Variants in SPON1 observed in about 807,000 individuals in gnomAD.
SPON1 encodes the protein spondin-1.
SPON1 carries 52 observed loss-of-function variants against 111.7 expected under a neutral mutation model. That is an observed-to-expected ratio of 0.47 (90% CI 0.37 to 0.59). SPON1 has a LOEUF of 0.59. SPON1 is among the 20% of genes least tolerant of loss of function. The pLI is 0.00. For missense variants in SPON1, 957 were observed against 1,068.5 expected, an observed-to-expected ratio of 0.90 and a Z score of 1.46; for synonymous variants, 410 against 395.8, an observed-to-expected ratio of 1.04 and a Z score of -0.43.
chr11:14,260,046 G>T (rs1435259981), intron 13 of SPON1, among the ~76,000 whole-genome samples: 1 of 152,190 alleles, frequency 6.6e-6, no homozygotes, highest in African/African-American at 2.4e-5. Context: ...ACATTACCCA[G>T]GTCCAGCCCA....
chr11:14,050,942 C>A (rs1372292478), intron 3 of SPON1, among the ~76,000 whole-genome samples: 1 of 152,154 alleles, frequency 6.6e-6, no homozygotes, highest in Non-Finnish European at 1.5e-5. Context: ...AGCTCTGGGA[C>A]AGGAATCAAG....
At chr11:14,232,616 G>A (rs943225127) in intron 6 of SPON1, among the ~76,000 whole-genome samples, 4 of 152,076 alleles carry the variant, frequency 2.6e-5, no homozygotes, top group Non-Finnish European at 5.9e-5. Flanking sequence ...ATCCATTCCT[G>A]CAAGTGCACC....
At chr11:13,974,842 T>C (rs1185223365) in intron 1 of SPON1, among the ~76,000 whole-genome samples, 1 of 152,198 alleles carries the variant, frequency 6.6e-6, no homozygotes, top group African/African-American at 2.4e-5. Context: ...TTTGATCATC[T>C]TCCCCCTGCT....
At chr11:14,201,836 T>G (rs1848467719) in intron 6 of SPON1, among the ~76,000 whole-genome samples, 1 of 152,164 alleles carries the variant, frequency 6.6e-6, no homozygotes, top group Admixed American at 6.5e-5. Context: ...AGTAGGTGAC[T>G]GTGAAGTGGT....
chr11:14,116,537 T>C (rs1187857683), intron 5 of SPON1, among the ~76,000 whole-genome samples: 1 of 152,174 alleles, frequency 6.6e-6, no homozygotes, highest in Non-Finnish European at 1.5e-5. Context: ...TGACTGTACA[T>C]CTGTGGGTCT....
intron 2 of SPON1, among the ~76,000 whole-genome samples, chr11:14,010,417 G>C (rs1848395188): frequency 6.6e-6 from 1 of 152,156 alleles, no homozygotes; most frequent in Non-Finnish European, 1.5e-5. Flanking sequence ...GCTAAGTGTA[G>C]AGATGTAAAG....
chr11:14,115,045 T>G (rs1031947849), intron 5 of SPON1, among the ~76,000 whole-genome samples: 1 of 152,222 alleles, frequency 6.6e-6, no homozygotes, highest in African/African-American at 2.4e-5. Context: ...ACCTCTGATC[T>G]GTAAAATGTT....
intron 6 of SPON1, among the ~76,000 whole-genome samples, chr11:14,219,328 A>G (rs1848656061): frequency 6.6e-6 from 1 of 152,172 alleles, no homozygotes. Context: ...TTCAAACTAT[A>G]AGGAAAAAGT....
At chr11:14,200,983 C>T (rs1233349205) in intron 6 of SPON1, among the ~76,000 whole-genome samples, 3 of 152,008 alleles carry the variant, frequency 2.0e-5, no homozygotes, top group Non-Finnish European at 2.9e-5. Flanking sequence ...ATCTGCATGG[C>T]TTTGGCAAGT....
At chr11:14,102,220 C>T (rs558425521) in intron 5 of SPON1, among the ~76,000 whole-genome samples, 1 of 152,252 alleles carries the variant, frequency 6.6e-6, no homozygotes, top group East Asian at 1.9e-4. Context: ...CAAAGCAATA[C>T]TGTATCATAT....
At chr11:14,157,570 A>T (rs1847863620) in intron 6 of SPON1, among the ~76,000 whole-genome samples, 1 of 152,136 alleles carries the variant, frequency 6.6e-6, no homozygotes, top group Admixed American at 6.6e-5. Flanking sequence ...ATGTCTTGGT[A>T]TCTTTTGTCA....
At chr11:14,105,887 A>G (rs1528653) in intron 5 of SPON1, among the ~76,000 whole-genome samples, 59,673 of 152,066 alleles carry the variant, frequency 0.39, 11,897 homozygotes, top group Admixed American at 0.46. Context: ...AGAATTAGAT[A>G]TTACATTAAA....
At chr11:14,197,762 C>G (rs1251081843) in intron 6 of SPON1, among the ~76,000 whole-genome samples, 2 of 152,084 alleles carry the variant, frequency 1.3e-5, no homozygotes, top group Non-Finnish European at 2.9e-5. Flanking sequence ...TTGCAGAGAG[C>G]TGAGATCACA....
chr11:14,031,561 A>G lies in SPON1; in HGVS notation c.346-9960A>G, dbSNP rs374992935. ...ACAAATGGAAAAAGAAACAAGACACATTATATAAACAAAATCAGTACCGCT... is the reference window on the plus strand; with the variant it reads ...ACAAATGGAAAAAGAAACAAGACACGTTATATAAACAAAATCAGTACCGCT... On this transcript the variant is annotated intron_variant, in intron 2 of 15. Transcript: ENST00000576479. Among the ~76,000 whole-genome samples, 38 of 152,350 alleles carry G rather than the reference A, an allele frequency of 2.5e-4. 1 individual carries two copies. The highest frequency in any genetic ancestry group is 3.4e-3 in the Middle Eastern group (1 of 292).
intron 6 of SPON1, among the ~76,000 whole-genome samples, chr11:14,218,102 C>T (rs1428945678): frequency 2.0e-5 from 3 of 152,184 alleles, no homozygotes; most frequent in Admixed American, 6.5e-5. Flanking sequence ...ATTCATATTA[C>T]ACTACAGCTA....
intron 2 of SPON1, among the ~76,000 whole-genome samples, chr11:13,991,917 A>G (rs1294396991): frequency 6.6e-6 from 1 of 152,100 alleles, no homozygotes; most frequent in Admixed American, 6.5e-5. Flanking sequence ...TTGTTGCCTG[A>G]TCTTTCCTCT....
At chr11:14,192,096 G>A (rs1382922580) in intron 6 of SPON1, among the ~76,000 whole-genome samples, 2 of 152,080 alleles carry the variant, frequency 1.3e-5, no homozygotes, top group African/African-American at 2.4e-5. Flanking sequence ...GAGGCATCCT[G>A]AAAACAGAAT....
intron 5 of SPON1, among the ~76,000 whole-genome samples, chr11:14,085,622 G>C (rs1289082678): frequency 6.6e-6 from 1 of 152,136 alleles, no homozygotes; most frequent in African/African-American, 2.4e-5. Flanking sequence ...GATTGTCTTG[G>C]CTATACAGGC....
rs782393376 is a variant in SPON1, at chr11:14,261,050, TC to T, written c.1996+303del. On this transcript the variant is annotated intron_variant, in intron 14 of 15. Transcript: ENST00000576479. ...ATAAACCTTAGTTCTTTCCCTCCTC[TC>T]CCCCAACAATTATAGGCTTGCCTGA... Among the ~76,000 whole-genome samples the T allele has an allele frequency of 3.3e-5, 5 of 152,120 alleles. No individual in the cohort carries two copies. The South Asian group carries it at 1.0e-3, about 32-fold the overall frequency.
Sources: gnomAD v4.1 joint callset for allele counts (sites outside exome capture counted in the v4.1 genomes callset) on GRCh38, gnomAD v4.1.1 for gene constraint, MANE v1.5 for transcripts, NCBI Gene and HGNC (gene_info 2026-07-23, HGNC 2026-07-21) for gene names.